MAPT: variants seen among roughly 807,000 people sequenced by gnomAD.
MAPT encodes the protein microtubule-associated protein tau.
MAPT carries 34 observed loss-of-function variants against 67.9 expected under a neutral mutation model. That is an observed-to-expected ratio of 0.50 (90% CI 0.38 to 0.67). MAPT has a LOEUF of 0.67. MAPT is among the 30% of genes least tolerant of loss of function. MAPT has a pLI of 0.00. For missense variants in MAPT, 881 were observed against 1,115.2 expected (o/e 0.79, Z 2.99); for synonymous variants, 456 against 464.5 (o/e 0.98, Z 0.23).
intron 8 of MAPT, among the ~76,000 whole-genome samples, chr17:45,993,269 C>T (rs920211002): frequency 2.0e-5 from 3 of 152,342 alleles, no homozygotes; most frequent in African/African-American, 4.8e-5. Flanking sequence ...TTTGTCTTTT[C>T]GCTTCGTGTT....
intron 1 of MAPT, among the ~76,000 whole-genome samples, chr17:45,954,601 C>T (rs892306843): frequency 1.3e-5 from 2 of 152,088 alleles, no homozygotes; most frequent in South Asian, 2.1e-4. Context: ...TCAGCCTGGG[C>T]GACAGAGCAA....
chr17:45,988,750 AC>A (rs2073811434), intron 6 of MAPT, among the ~76,000 whole-genome samples: 1 of 151,786 alleles, frequency 6.6e-6, no homozygotes, highest in Non-Finnish European at 1.5e-5. Flanking sequence ...ACATAGCAAG[AC>A]CCCATCTCAA....
At chr17:45,919,150 G>A (rs2065460311) in intron 1 of MAPT, among the ~76,000 whole-genome samples, 1 of 152,048 alleles carries the variant, frequency 6.6e-6, no homozygotes, top group South Asian at 2.1e-4. Flanking sequence ...CTTGTTGTGG[G>A]ACTGGGAGTC....
At chr17:45,999,925 A>G (rs1483150641) in intron 9 of MAPT, among the ~76,000 whole-genome samples, 1 of 152,212 alleles carries the variant, frequency 6.6e-6, no homozygotes, top group Admixed American at 6.5e-5. Flanking sequence ...AAGAAAAAGA[A>G]AAATGTCATA....
intron 1 of MAPT, among the ~76,000 whole-genome samples, chr17:45,926,863 A>G (rs1017676034): frequency 6.6e-6 from 1 of 151,856 alleles, no homozygotes; most frequent in African/African-American, 2.4e-5. Flanking sequence ...CAAATTCTCA[A>G]ATAGCTCAGG....
In MAPT at chr17:45,941,729, T is replaced by TCCTG. The variant is rs1568208419; in HGVS notation, c.-17-20589_-17-20588insGCCT. The stretch of plus-strand genomic sequence containing the variant: ...TGCCTTCCTTCCTTCCTTCCTTCCT[T>TCCTG]CCTTCCTTCCTTCCTTCCTTCCTTC... On this transcript the variant is annotated intron_variant, in intron 1 of 12. Coordinates refer to ENST00000262410, the MANE Select transcript of MAPT (RefSeq NM_001377265.1). 7.0e-4 allele frequency among the ~76,000 whole-genome samples: 89 copies of TCCTG among 126,788 alleles called. 1 individual carries two copies. The South Asian group carries it at 0.015, about 21-fold the overall frequency. The allele number at this position is 126,788 out of a possible 152,430, so 83.2% of individuals were successfully genotyped here.
intron 4 of MAPT, among the ~76,000 whole-genome samples, chr17:45,982,602 A>G (rs1024840109): frequency 7.2e-5 from 11 of 152,068 alleles, no homozygotes; most frequent in African/African-American, 2.7e-4. Context: ...GGAGGTCACC[A>G]CGTCCAAGAA....
chr17:46,016,831 A>G (rs2076213779), intron 11 of MAPT, among the ~76,000 whole-genome samples: 1 of 152,224 alleles, frequency 6.6e-6, no homozygotes, highest in African/African-American at 2.4e-5. Context: ...AGTGATGGAA[A>G]TATTCTGTAT....
At chr17:45,899,221 G>A (rs2063469546) in intron 1 of MAPT, among the ~76,000 whole-genome samples, 1 of 152,156 alleles carries the variant, frequency 6.6e-6, no homozygotes, top group African/African-American at 2.4e-5. Flanking sequence ...AACTCGGGGA[G>A]GGTGCTACTG....
At position 45,942,490 on chromosome 17, in the gene MAPT, G is replaced by C. The variant is rs571813400; in HGVS notation, c.-17-19831G>C. 2.6e-4 allele frequency among the ~76,000 whole-genome samples: 39 copies of C among 152,350 alleles called. No individual in the cohort carries two copies. In the East Asian group the frequency reaches 7.3e-3, roughly 29 times the overall value. On this transcript the variant is annotated intron_variant, in intron 1 of 12. Transcript: ENST00000262410. Reference sequence around the variant, plus strand: ...ACGTGTCGTGGGTACTGTCAAACAAGAGCCTTCAGAGCCTTCCACAGTCTT... The same window carrying C: ...ACGTGTCGTGGGTACTGTCAAACAACAGCCTTCAGAGCCTTCCACAGTCTT...
intron 1 of MAPT, among the ~76,000 whole-genome samples, chr17:45,930,143 T>A (rs1372824786): frequency 6.6e-6 from 1 of 152,192 alleles, no homozygotes; most frequent in Non-Finnish European, 1.5e-5. Context: ...CTCATGCCTG[T>A]AATCCCAGCA....
intron 9 of MAPT, chr17:45,999,699 T>C: frequency 6.5e-7 from 1 of 1,531,076 alleles, no homozygotes; most frequent in Non-Finnish European, 8.8e-7. Context: ...GGTTATGACG[T>C]CACCATGCTG....
At chr17:45,988,243 T>G (rs2073760126) in intron 6 of MAPT, among the ~76,000 whole-genome samples, 1 of 152,216 alleles carries the variant, frequency 6.6e-6, no homozygotes, top group African/African-American at 2.4e-5. Flanking sequence ...CCTTGGCCGC[T>G]TCCATGGGGA....
chr17:45,985,369 C>CA (rs1316543026), intron 5 of MAPT, among the ~76,000 whole-genome samples: 1 of 151,990 alleles, frequency 6.6e-6, no homozygotes, highest in African/African-American at 2.4e-5. Flanking sequence ...TGTTAAATTC[C>CA]AAAACAGTAG....
rs2145454808 is a variant in MAPT, at chr17:45,971,267, A to G, written c.134-592A>G. On this transcript the variant is annotated intron_variant, in intron 2 of 12. Transcript: ENST00000262410. The surrounding 1 kb of genome is among the most constrained non-coding windows in gnomAD (Gnocchi z 4.3). ...CCCAGGCTTCCCATTCTGAAAGGAC[A>G]GTTTTATTGTAGGTACACATGGCTG... is the stretch of plus-strand genomic sequence containing the variant. Among the ~76,000 whole-genome samples, 1 of 152,284 alleles carries G rather than the reference A, an allele frequency of 6.6e-6. No individual in the cohort carries two copies. The highest frequency in any genetic ancestry group is 3.4e-3 in the Middle Eastern group (1 of 294).
chr17:45,928,464 C>T (rs564546774), intron 1 of MAPT, among the ~76,000 whole-genome samples: 2 of 152,290 alleles, frequency 1.3e-5, no homozygotes, highest in East Asian at 3.9e-4. Context: ...TCATTTTCCA[C>T]TGCCTTCCCC....
chr17:45,926,883 CGT>C (rs1159609960), intron 1 of MAPT, among the ~76,000 whole-genome samples: 2 of 150,012 alleles, frequency 1.3e-5, no homozygotes, highest in East Asian at 3.9e-4. Flanking sequence ...GAAAAAAGTA[CGT>C]GTGTGGTATG....
At chr17:45,998,345 A>C (rs2074686680) in intron 9 of MAPT, among the ~76,000 whole-genome samples, 1 of 152,100 alleles carries the variant, frequency 6.6e-6, no homozygotes, top group Non-Finnish European at 1.5e-5. Flanking sequence ...ACGCATGTGT[A>C]GACCCTGCCT....
chr17:45,961,642 G>C (rs17650860), intron 1 of MAPT, among the ~76,000 whole-genome samples: 1 of 151,944 alleles, frequency 6.6e-6, no homozygotes, highest in Non-Finnish European at 1.5e-5. Flanking sequence ...CTGTTCAGTC[G>C]TGCCCTCACC....
Sources: allele counts gnomAD v4.1 joint callset (sites outside exome capture counted in the v4.1 genomes callset), GRCh38; gene constraint gnomAD v4.1.1; non-coding constraint Gnocchi (gnomAD v3.1); transcripts MANE v1.5; gene names NCBI Gene and HGNC (gene_info 2026-07-23, HGNC 2026-07-21).